The following GPR176 variants were observed in gnomAD, a reference collection of about 807,000 sequenced individuals.
The protein encoded by GPR176 is G-protein coupled receptor 176.
Under a neutral mutation model 35.4 loss-of-function variants are expected in GPR176, and 26 were observed. The ratio of observed to expected loss-of-function variants is 0.74; its 90% CI spans 0.54 to 1.02. GPR176 has a LOEUF of 1.02. Ranked by LOEUF, GPR176 falls within the 50% of genes least tolerant of loss-of-function variation. The pLI, the probability that GPR176 is intolerant of heterozygous loss-of-function variation, is 0.00. For synonymous variants in GPR176, 278 were observed against 271.3 expected, an observed-to-expected ratio of 1.02 and a Z score of -0.24; for missense variants, 597 against 665.3, an observed-to-expected ratio of 0.90 and a Z score of 1.13.
chr15:39,812,906 G>A (rs1448738917), intron 1 of GPR176, among the ~76,000 whole-genome samples: 1 of 151,810 alleles, frequency 6.6e-6, no homozygotes, highest in African/African-American at 2.4e-5. Flanking sequence ...ACCATGCTTG[G>A]CTAATTTTTG....
chr15:39,878,096 C>CTGTGTGTGTGTGTGTGTGTGTGTGTGTG (rs58251937), intron 1 of GPR176, among the ~76,000 whole-genome samples: 1 of 129,934 alleles, frequency 7.7e-6, no homozygotes, highest in Non-Finnish European at 1.7e-5. Context: ...CCATAGTTAC[C>CTGTGTGTGTGTGTGTGTGTGTGTGTGTG]TGTGTGTGTG....
rs1900432226 is a variant in GPR176 at position 39,823,734 on chromosome 15, T to G, written c.173-16476A>C. 2.0e-5 allele frequency among the ~76,000 whole-genome samples: 3 copies of G among 152,188 alleles called. No individual in the cohort carries two copies. In the South Asian group the frequency reaches 6.2e-4, roughly 32 times the overall value. On this transcript the variant is annotated intron_variant, in intron 1 of 2. Coordinates refer to ENST00000561100, the MANE Select transcript of GPR176 (RefSeq NM_007223.3). ...AAAGGGAAAAACCAAAAGTCTAGCC[T>G]GCCCACCGCTAGACTGTGAGAATTA... is the stretch of plus-strand genomic sequence containing the variant.
Position 39,886,051 on chromosome 15 carries a change from T to C in GPR176, c.172+33804A>G, listed in dbSNP as rs144580521. 5.0e-3 allele frequency among the ~76,000 whole-genome samples: 763 copies of C among 152,168 alleles called. 6 individuals are homozygous for C. Among genetic ancestry groups the C allele is most frequent in the African/African-American group, 0.018 (731 of 41,528 alleles). Reference sequence around the variant, plus strand: ...GAGTTTGAGATGAGACTCACCAACATGGAGAAACCTCGTCTCTAATAAAAA... The same window carrying C: ...GAGTTTGAGATGAGACTCACCAACACGGAGAAACCTCGTCTCTAATAAAAA... On this transcript the variant is annotated intron_variant, in intron 1 of 2. Coordinates refer to ENST00000561100, the MANE Select transcript of GPR176 (RefSeq NM_007223.3).
chr15:39,868,925 C>T (rs577507391), intron 1 of GPR176, among the ~76,000 whole-genome samples: 1 of 151,536 alleles, frequency 6.6e-6, no homozygotes, highest in South Asian at 2.1e-4. Flanking sequence ...CTGAGGTCAC[C>T]GGAAATGGGA....
At chr15:39,810,906 C>T (rs1467164874) in intron 1 of GPR176, among the ~76,000 whole-genome samples, 1 of 152,208 alleles carries the variant, frequency 6.6e-6, no homozygotes, top group Non-Finnish European at 1.5e-5. Flanking sequence ...CAGCCAACCA[C>T]TACTTTGTGT....
intron 1 of GPR176, among the ~76,000 whole-genome samples, chr15:39,882,583 T>C (rs964818125): frequency 6.6e-6 from 1 of 152,232 alleles, no homozygotes; most frequent in Non-Finnish European, 1.5e-5. Context: ...CCAGCTATGT[T>C]TGCAGCAAGG....
At chr15:39,882,787 G>C (rs916647547) in intron 1 of GPR176, among the ~76,000 whole-genome samples, 50 of 152,168 alleles carry the variant, frequency 3.3e-4, no homozygotes, top group African/African-American at 1.2e-3. Flanking sequence ...TGGGCAGAGG[G>C]CATTAGACTG....
At chr15:39,856,593 C>T (rs1042316459) in intron 1 of GPR176, among the ~76,000 whole-genome samples, 5 of 152,208 alleles carry the variant, frequency 3.3e-5, no homozygotes, top group Non-Finnish European at 5.9e-5. Context: ...GCCAGGTGAA[C>T]CTTTTCACAG....
chr15:39,900,871 A>C (rs1241962477), intron 1 of GPR176, among the ~76,000 whole-genome samples: 1 of 152,242 alleles, frequency 6.6e-6, no homozygotes, highest in Admixed American at 6.5e-5. Flanking sequence ...CAGAATTAGA[A>C]CAGAAGTAGA....
intron 2 of GPR176, among the ~76,000 whole-genome samples, chr15:39,803,692 T>C (rs546486512): frequency 2.0e-5 from 3 of 152,196 alleles, no homozygotes; most frequent in South Asian, 4.1e-4. Context: ...GGGACAAAGA[T>C]ACACACACTA....
At chr15:39,855,179 T>A (rs1362280124) in intron 1 of GPR176, among the ~76,000 whole-genome samples, 1 of 152,196 alleles carries the variant, frequency 6.6e-6, no homozygotes, top group African/African-American at 2.4e-5. Context: ...GGAATTTTCA[T>A]AGTACCTGCT....
At chr15:39,912,617 CAAA>C (rs150704404) in intron 1 of GPR176, among the ~76,000 whole-genome samples, 2 of 70,502 alleles carry the variant, frequency 2.8e-5, no homozygotes, top group Admixed American at 1.6e-4. Flanking sequence ...GACCCTGTCT[CAAA>C]AAAAAAAAAA....
At chr15:39,918,435 A>T (rs1161146996) in intron 1 of GPR176, among the ~76,000 whole-genome samples, 1 of 152,174 alleles carries the variant, frequency 6.6e-6, no homozygotes, top group Non-Finnish European at 1.5e-5. Flanking sequence ...ATATATATAC[A>T]TGTATGTATG....
In GPR176 at chr15:39,802,202, G is replaced by A. The variant is rs763977156; in HGVS notation, c.478C>T (p.Arg160Cys). ...GCCCAGATGTACATCACCAGTTCAC[G>A]GGACTTGGCATCAGATATTTTCCTC... ...LERKISDAKS[R>C]ELVMYIWAHA... is the part of the protein sequence containing the mutation. Residue 160 changes from arginine to cysteine, a missense_variant, in exon 3 of 3, where the codon CGT (arginine) becomes TGT (cysteine). This residue lies in a region of GPR176 where 220 missense variants were observed against 297.6 expected (regional missense o/e 0.74). Coordinates refer to ENST00000561100, the MANE Select transcript of GPR176 (RefSeq NM_007223.3). 30 of 1,613,622 alleles carry A rather than the reference G, an allele frequency of 1.9e-5. No homozygotes were observed. In the Middle Eastern group the frequency reaches 6.6e-4, roughly 35 times the overall value.
chr15:39,828,386 C>T (rs908667246), intron 1 of GPR176, among the ~76,000 whole-genome samples: 1 of 152,144 alleles, frequency 6.6e-6, no homozygotes, highest in Admixed American at 6.5e-5. Context: ...AAAGACACTG[C>T]GTGGAGGGGC....
chr15:39,842,439 G>A (rs2140793217), intron 1 of GPR176, among the ~76,000 whole-genome samples: 1 of 152,118 alleles, frequency 6.6e-6, no homozygotes, highest in South Asian at 2.1e-4. Context: ...TCCAACACTG[G>A]GATTATAATT....
intron 1 of GPR176, chr15:39,909,936 C>T: frequency 1.1e-6 from 1 of 946,142 alleles, no homozygotes. Context: ...AATCCATTTT[C>T]ACAAGGAAAC....
intron 2 of GPR176, among the ~76,000 whole-genome samples, chr15:39,805,555 C>T (rs1445752084): frequency 2.0e-5 from 3 of 152,042 alleles, no homozygotes; most frequent in African/African-American, 7.2e-5. Flanking sequence ...GCGGCTGATC[C>T]CCATGAACGA....
chr15:39,836,660 TAA>T (rs1901417496), intron 1 of GPR176, among the ~76,000 whole-genome samples: 1 of 152,140 alleles, frequency 6.6e-6, no homozygotes, highest in African/African-American at 2.4e-5. Flanking sequence ...ATAAAATTTA[TAA>T]AGAGACTGAG....
Sources: allele counts gnomAD v4.1 joint callset (sites outside exome capture counted in the v4.1 genomes callset), GRCh38; gene constraint gnomAD v4.1.1; regional missense constraint gnomAD v4.1.1; transcripts MANE v1.5; gene names NCBI Gene and HGNC (gene_info 2026-07-23, HGNC 2026-07-21).